Variants in RNF8 observed in about 807,000 individuals in gnomAD.
RNF8 encodes E3 ubiquitin-protein ligase RNF8.
In RNF8, 8 loss-of-function variants were observed where a neutral mutation model predicts 59.3. That is an observed-to-expected ratio of 0.13 (90% CI 0.08 to 0.24). The LOEUF (loss-of-function observed/expected upper bound fraction) is 0.24. RNF8 is among the 10% of genes least tolerant of loss of function. The pLI, the probability that RNF8 is intolerant of heterozygous loss-of-function variation, is 1.00. For synonymous variants in RNF8, 162 were observed against 200.0 expected (o/e 0.81, Z 1.60); for missense variants, 406 against 572.6 (o/e 0.71, Z 2.97).
chr6:37,359,515 C>T (rs1769238119), intron 1 of RNF8, among the ~76,000 whole-genome samples: 1 of 152,144 alleles, frequency 6.6e-6, no homozygotes, highest in Admixed American at 6.5e-5. Flanking sequence ...TCAGAAAGGT[C>T]TTGACAAATT....
At position 37,360,607 on chromosome 6, in the gene RNF8, A is replaced by T. The variant is rs750381621; in HGVS notation, c.240+33A>T. 1.3e-6 allele frequency: 2 copies of T among 1,549,262 alleles called. No individual in the cohort carries two copies. The highest frequency in any genetic ancestry group is 1.7e-6 in the Non-Finnish European group (2 of 1,148,092). ...AATTCACAGAAGCCTAATGACTTTT[A>T]TTTGTTTTTAAATTACTTTTTTTTT... On this transcript the variant is annotated intron_variant, in intron 2 of 7. Transcript: ENST00000373479. The surrounding 1 kb of genome is among the most constrained non-coding windows in gnomAD (Gnocchi z 4.2).
rs971997537 is a variant in RNF8 at position 37,392,557 on chromosome 6, A to T, written c.*1799A>T. ...CATGTGGTCTTTTTCCTTGCTTTGCACAAATGGTAAACTGTACGCTATTCT... is the reference window on the plus strand; with the variant it reads ...CATGTGGTCTTTTTCCTTGCTTTGCTCAAATGGTAAACTGTACGCTATTCT... On this transcript the variant is annotated 3_prime_UTR_variant, in exon 8 of 8. Coordinates refer to ENST00000373479, the MANE Select transcript of RNF8 (RefSeq NM_003958.4). 5.0e-6 allele frequency: 2 copies of T among 398,504 alleles called. No homozygotes were observed. The highest frequency in any genetic ancestry group is 4.1e-5 in the African/African-American group (2 of 48,634). 24.7% of individuals were successfully genotyped at this position (398,504 alleles called of 1,614,324 possible).
In RNF8 at chr6:37,354,830, C is replaced by T. The variant is rs571143830; in HGVS notation, c.111+555C>T. Among the ~76,000 whole-genome samples the T allele has an allele frequency of 3.3e-5, 5 of 152,318 alleles. No homozygotes were observed. The East Asian group carries it at 7.7e-4, about 24-fold the overall frequency. On this transcript the variant is annotated intron_variant, in intron 1 of 7. Coordinates refer to ENST00000373479, the MANE Select transcript of RNF8 (RefSeq NM_003958.4). The stretch of plus-strand genomic sequence containing the variant: ...AGCTGCCGGGAAGCCGAGGCAGGGC[C>T]CGGCGCCTGAACTTTCTCGAGTTTG...
chr6:37,381,442 A>G, intron 7 of RNF8, 88 bp downstream of exon 7: 1 of 1,198,600 alleles, frequency 8.3e-7, no homozygotes, highest in Non-Finnish European at 1.2e-6. Flanking sequence ...AGAAAGAGTC[A>G]GATAAACAAT....
In RNF8 at chr6:37,361,431, C is replaced by T. The variant is rs928870066; in HGVS notation, c.240+857C>T. The stretch of plus-strand genomic sequence containing the variant: ...GTGCTCATCAACAAAGGGATTGCAC[C>T]TGTGAATAGCCACTGCACTCCAGTG... On this transcript the variant is annotated intron_variant, in intron 2 of 7. Transcript: ENST00000373479. 6.9e-5 allele frequency: 31 copies of T among 447,126 alleles called. No homozygotes were observed. The East Asian group carries it at 2.2e-3, about 31-fold the overall frequency. The allele number at this position is 447,126 out of a possible 1,614,324, so 27.7% of individuals were successfully genotyped here.
At chr6:37,368,454 C>A in intron 2 of RNF8, 30 bp from the exon 3 acceptor site, 1 of 1,614,034 alleles carries the variant, frequency 6.2e-7, no homozygotes, top group Non-Finnish European at 8.5e-7. Context: ...AATCATGAAG[C>A]TTATTTCTTC....
intron 6 of RNF8, among the ~76,000 whole-genome samples, chr6:37,378,615 A>AG (rs1452206400): frequency 6.6e-6 from 1 of 151,786 alleles, no homozygotes; most frequent in African/African-American, 2.4e-5. Context: ...AAAAAAAAAA[A>AG]AAAAAAAAGA....
At chr6:37,380,649 G>T (rs560782815) in intron 6 of RNF8, among the ~76,000 whole-genome samples, 7 of 150,048 alleles carry the variant, frequency 4.7e-5, no homozygotes, top group Admixed American at 4.0e-4. Flanking sequence ...CCAGCCTGGG[G>T]GACAGAGTGA....
In RNF8 at chr6:37,376,246, G is replaced by A. The variant is rs565908110; in HGVS notation, c.1129-680G>A. Among the ~76,000 whole-genome samples the A allele has an allele frequency of 2.0e-5, 3 of 152,230 alleles. No individual in the cohort carries two copies. The East Asian group carries it at 5.8e-4, about 29-fold the overall frequency. On this transcript the variant is annotated intron_variant, in intron 5 of 7. Transcript: ENST00000373479. ...ACTACTTAATGTCCCATCTGGTCTT[G>A]GGTGGTTGGTGTGGTTAGTATGTCA...
At position 37,360,309 on chromosome 6, in the gene RNF8, T is replaced by TAG; in HGVS notation, c.112-137_112-136insAG. 1 of 873,022 alleles carries TAG rather than the reference T, an allele frequency of 1.1e-6. No homozygotes were observed. Among genetic ancestry groups the TAG allele is most frequent in the Non-Finnish European group, 1.8e-6 (1 of 543,188 alleles). The allele number at this position is 873,022 out of a possible 1,614,324, so 54.1% of individuals were successfully genotyped here. ...AGACAGCTGAAGAGGAGATAGCTGA[T>TAG]GCACTGTTTTGGTTCCACAGGTGTC... On this transcript the variant is annotated intron_variant, in intron 1 of 7. Transcript: ENST00000373479. This position sits in a 1 kb window ranked among gnomAD's most constrained non-coding sequence, Gnocchi z 4.2.
chr6:37,390,137 C>T (rs921716066), intron 7 of RNF8, among the ~76,000 whole-genome samples: 3 of 152,368 alleles, frequency 2.0e-5, no homozygotes, highest in Middle Eastern at 6.8e-3. Context: ...GTATATAATT[C>T]ATTCCTTTCT....
At chr6:37,365,368 T>C (rs188888241) in intron 2 of RNF8, among the ~76,000 whole-genome samples, 2 of 152,344 alleles carry the variant, frequency 1.3e-5, no homozygotes, top group East Asian at 1.9e-4. Context: ...TTTCTTGATA[T>C]AGTTACACAA....
intron 7 of RNF8, among the ~76,000 whole-genome samples, chr6:37,389,370 T>A (rs1430247819): frequency 1.3e-5 from 2 of 151,630 alleles, no homozygotes; most frequent in Non-Finnish European, 2.9e-5. Flanking sequence ...GGAGTGAGTA[T>A]GAGGTGAGGA....
At chr6:37,362,024 A>G (rs13203701) in intron 2 of RNF8, among the ~76,000 whole-genome samples, 17,142 of 152,270 alleles carry the variant, frequency 0.11, 1,316 homozygotes, top group Non-Finnish European at 0.17. Flanking sequence ...GCAATTTGCT[A>G]TACTGGCTTT....
chr6:37,382,960 G>A (rs1333755801), intron 7 of RNF8, among the ~76,000 whole-genome samples: 4 of 151,078 alleles, frequency 2.6e-5, no homozygotes, highest in Non-Finnish European at 5.9e-5. Context: ...ATGACAGAGC[G>A]GGACTCTGTC....
At chr6:37,379,230 G>C (rs1770153073) in intron 6 of RNF8, among the ~76,000 whole-genome samples, 1 of 152,010 alleles carries the variant, frequency 6.6e-6, no homozygotes, top group African/African-American at 2.4e-5. Flanking sequence ...TGGCCAGGCT[G>C]GTCTCGAACT....
chr6:37,387,507 A>AT (rs970383282), intron 7 of RNF8, among the ~76,000 whole-genome samples: 1 of 151,812 alleles, frequency 6.6e-6, no homozygotes, highest in Non-Finnish European at 1.5e-5. Flanking sequence ...TGCCTGGCTA[A>AT]TTTTTTGTAT....
intron 7 of RNF8, among the ~76,000 whole-genome samples, chr6:37,389,295 C>T (rs559701779): frequency 1.3e-5 from 2 of 150,998 alleles, no homozygotes; most frequent in African/African-American, 4.9e-5. Flanking sequence ...TGTGGGATAT[C>T]GGTGACTTTA....
chr6:37,356,802 T>C (rs553177276), intron 1 of RNF8, among the ~76,000 whole-genome samples: 41 of 152,182 alleles, frequency 2.7e-4, no homozygotes, highest in African/African-American at 8.4e-4. Flanking sequence ...CAGGCTGGAG[T>C]GCAGTGGTGT....
Sources: allele counts gnomAD v4.1 joint callset (sites outside exome capture counted in the v4.1 genomes callset), GRCh38; gene constraint gnomAD v4.1.1; non-coding constraint Gnocchi (gnomAD v3.1); transcripts MANE v1.5; gene names NCBI Gene and HGNC (gene_info 2026-07-23, HGNC 2026-07-21).